Variants in FHAD1 observed in about 807,000 individuals in gnomAD.
FHAD1 encodes the protein forkhead-associated domain-containing protein 1.
A neutral mutation model predicts 191.3 loss-of-function variants in FHAD1; 146 were observed. That is an observed-to-expected ratio of 0.76 (90% confidence interval 0.67 to 0.88). The LOEUF is 0.88. FHAD1 is among the 40% of genes least tolerant of loss of function. FHAD1 has a pLI of 0.00. For missense variants in FHAD1, 1,635 were observed against 1,785.8 expected, an observed-to-expected ratio of 0.92 and a Z score of 1.52; for synonymous variants, 616 against 672.3, an observed-to-expected ratio of 0.92 and a Z score of 1.29.
At chr1:15,245,379 T>C (rs1323730188), upstream of FHAD1, among the ~76,000 whole-genome samples, 1 of 152,276 alleles carries the variant, frequency 6.6e-6, no homozygotes, top group Non-Finnish European at 1.5e-5. Flanking sequence ...TTATTGTTTT[T>C]ATTTGCTCTT....
At chr1:15,256,645 C>CAA (rs34598860) in intron 2 of FHAD1, among the ~76,000 whole-genome samples, 26 of 71,266 alleles carry the variant, frequency 3.6e-4, no homozygotes, top group African/African-American at 1.2e-3. Context: ...AGACTCTGTC[C>CAA]AAAAAAAAAA....
chr1:15,239,167 A>T (rs949377606), intron 1 of FHAD1, among the ~76,000 whole-genome samples: 3 of 152,276 alleles, frequency 2.0e-5, no homozygotes, highest in African/African-American at 2.4e-5. Context: ...TCAGCCTCCC[A>T]AAGTGCTGGG....
At chr1:15,371,264 G>A (rs562525509) in intron 26 of FHAD1, among the ~76,000 whole-genome samples, 2 of 152,188 alleles carry the variant, frequency 1.3e-5, no homozygotes, top group South Asian at 2.1e-4. Context: ...CACACCAAAC[G>A]CCCTTGGACT....
intron 14 of FHAD1, among the ~76,000 whole-genome samples, chr1:15,338,795 C>G (rs959424744): frequency 6.6e-6 from 1 of 152,196 alleles, no homozygotes; most frequent in Non-Finnish European, 1.5e-5. Flanking sequence ...CAGTCACTCA[C>G]ATGCCACCTG....
At chr1:15,299,545 G>A (rs1053781836) in intron 5 of FHAD1, among the ~76,000 whole-genome samples, 1 of 152,120 alleles carries the variant, frequency 6.6e-6, no homozygotes, top group African/African-American at 2.4e-5. Context: ...AATTGCAGGT[G>A]GGACAGGAAG....
At chr1:15,273,292 G>T (rs930299245) in intron 3 of FHAD1, among the ~76,000 whole-genome samples, 2 of 152,116 alleles carry the variant, frequency 1.3e-5, no homozygotes, top group Non-Finnish European at 2.9e-5. Context: ...AATATAAGGG[G>T]TTCATTCTTA....
At chr1:15,392,497 A>C (rs1274066048) in intron 33 of FHAD1, among the ~76,000 whole-genome samples, 2 of 151,704 alleles carry the variant, frequency 1.3e-5, no homozygotes, top group Non-Finnish European at 2.9e-5. Flanking sequence ...GCGCCACTGC[A>C]CTCCAGCCTG....
rs918036736 is a variant in FHAD1, at chr1:15,369,435, C to T, written c.3380C>T (p.Thr1127Ile). The T allele has an allele frequency of 1.3e-6, 2 of 1,551,722 alleles. No individual in the cohort carries two copies. The highest frequency in any genetic ancestry group is 1.4e-5 in the African/African-American group (1 of 73,036). Residue 1127 changes from threonine to isoleucine, a missense_variant, in exon 26 of 34, where the codon ACC (threonine) becomes ATC (isoleucine). Coordinates refer to ENST00000688493, the MANE Select transcript of FHAD1 (RefSeq NM_001391957.1). The part of the protein sequence containing the change: ...TEKEQKPRKK[T>I]QTCDTSVQIE... The stretch of plus-strand genomic sequence containing the variant: ...AAGGAACAGAAGCCCCGGAAGAAGA[C>T]CCAGACGTGTGACACCTCTGTGCAG...
At chr1:15,269,175 C>A (rs1654848964) in intron 2 of FHAD1, among the ~76,000 whole-genome samples, 1 of 152,010 alleles carries the variant, frequency 6.6e-6, no homozygotes, top group South Asian at 2.1e-4. Flanking sequence ...CATTTCTGAT[C>A]TAATATTTCT....
In FHAD1 at chr1:15,325,932, A is replaced by G. The variant is rs1037254367; in HGVS notation, c.1474-1127A>G. 1.3e-5 allele frequency: 2 copies of G among 152,560 alleles called. No homozygotes were observed. Among genetic ancestry groups the G allele is most frequent in the African/African-American group, 4.8e-5 (2 of 41,436 alleles). 9.5% of individuals were successfully genotyped at this position (152,560 alleles called of 1,614,324 possible). On this transcript the variant is annotated intron_variant, in intron 11 of 33. Coordinates refer to ENST00000688493, the MANE Select transcript of FHAD1 (RefSeq NM_001391957.1). This position sits in a 1 kb window ranked among gnomAD's most constrained non-coding sequence, Gnocchi z 4.6. ...TGTCTAAGATGACCTCTCCCTCCCA[A>G]TGGCCCTGGGCAGCCATTCCTGTGG...
chr1:15,337,069 A>G (rs1684473261), intron 14 of FHAD1, among the ~76,000 whole-genome samples: 1 of 152,184 alleles, frequency 6.6e-6, no homozygotes, highest in East Asian at 1.9e-4. Flanking sequence ...CTGCCAGGAA[A>G]GTGGTGCAGG....
chr1:15,296,049 A>G (rs2100769023), intron 4 of FHAD1, among the ~76,000 whole-genome samples: 1 of 152,302 alleles, frequency 6.6e-6, no homozygotes, highest in South Asian at 2.1e-4. Context: ...GCTGAAAGAG[A>G]TTAAATGACC....
At chr1:15,263,784 G>A (rs1652222949) in intron 2 of FHAD1, among the ~76,000 whole-genome samples, 1 of 152,130 alleles carries the variant, frequency 6.6e-6, no homozygotes, top group African/African-American at 2.4e-5. Flanking sequence ...GCCTCCCAAA[G>A]TGCTGGGATT....
intron 1 of FHAD1, among the ~76,000 whole-genome samples, chr1:15,237,691 T>C (rs1644929777): frequency 6.6e-6 from 1 of 152,180 alleles, no homozygotes; most frequent in South Asian, 2.1e-4. Flanking sequence ...AAACAATCAG[T>C]TCTTAGGAGA....
intron 26 of FHAD1, among the ~76,000 whole-genome samples, chr1:15,370,070 A>G (rs898854132): frequency 2.0e-5 from 3 of 152,138 alleles, no homozygotes; most frequent in Non-Finnish European, 2.9e-5. Flanking sequence ...CAACTTCCCA[A>G]GGTTCAAATG....
At chr1:15,271,140 G>GAAA (rs543401814) in intron 2 of FHAD1, among the ~76,000 whole-genome samples, 6,018 of 76,500 alleles carry the variant, frequency 0.079, 979 homozygotes, top group African/African-American at 0.2. Flanking sequence ...CTCCATCTCG[G>GAAA]AAAAAAAAAA....
At chr1:15,262,813 A>AAT (rs754695152) in intron 2 of FHAD1, among the ~76,000 whole-genome samples, 34 of 152,170 alleles carry the variant, frequency 2.2e-4, no homozygotes, top group Non-Finnish European at 4.3e-4. Flanking sequence ...AATTCTTTTG[A>AAT]ATATATACCC....
Position 15,328,396 on chromosome 1 carries a change from C to A in FHAD1, c.1677C>A (p.Ile559=). 6.5e-7 allele frequency: 1 copy of A among 1,544,278 alleles called. No individual in the cohort carries two copies. Among genetic ancestry groups the A allele is most frequent in the South Asian group, 1.2e-5 (1 of 83,416 alleles). ...AGCAGGAGGAGACCACCGAGAACAT[C>A]GAGAAGCTGAGGACGTCGCTGGACA... ...NSKQEETTEN[I]EKLRTSLDSC... is the part of the protein sequence containing the mutation. Residue 559 remains isoleucine (I), a synonymous_variant, in exon 13 of 34, where the codon ATC becomes ATA. Transcript: ENST00000688493.
At position 15,397,533 on chromosome 1, in the gene FHAD1, T is replaced by C. The variant is rs1003694425; in HGVS notation, c.*120T>C. ...GTCTTTAAAGATTGTTACCCTAGTG[T>C]TTCATTTCCTAGACCAGTATTTTGA... On this transcript the variant is annotated 3_prime_UTR_variant, in exon 34 of 34. Transcript: ENST00000688493. 3.2e-5 allele frequency: 16 copies of C among 493,202 alleles called. No individual in the cohort carries two copies. Among genetic ancestry groups the C allele is most frequent in the Non-Finnish European group, 5.8e-5 (16 of 274,778 alleles). The allele number at this position is 493,202 out of a possible 1,614,324, so 30.6% of individuals were successfully genotyped here.
Sources: gnomAD v4.1 joint callset for allele counts (sites outside exome capture counted in the v4.1 genomes callset) on GRCh38, gnomAD v4.1.1 for gene constraint, Gnocchi (gnomAD v3.1) non-coding constraint, MANE v1.5 for transcripts, NCBI Gene and HGNC (gene_info 2026-07-23, HGNC 2026-07-21) for gene names.